Variants in DNAH14 observed in about 807,000 individuals in gnomAD.
DNAH14 encodes the protein dynein axonemal heavy chain 14.
In DNAH14, 478 loss-of-function variants were observed where a neutral mutation model predicts 520.9. That is an observed-to-expected ratio of 0.92 (90% CI 0.85 to 0.99). The LOEUF is 0.99. Among genes scored for constraint, DNAH14 ranks in the 50% least tolerant of loss-of-function variants. DNAH14 has a pLI of 0.00. For missense variants in DNAH14, 4,831 were observed against 5,234.5 expected (o/e 0.92, Z 2.38); for synonymous variants, 1,581 against 1,757.2 (o/e 0.90, Z 2.51).
chr1:225,263,872 C>A (rs1558195616), intron 46 of DNAH14, among the ~76,000 whole-genome samples: 1 of 151,964 alleles, frequency 6.6e-6, no homozygotes, highest in Non-Finnish European at 1.5e-5. Context: ...ATGAATGGGT[C>A]TTTGCTGAGT....
At chr1:225,367,112 G>A (rs991613230) in intron 76 of DNAH14, among the ~76,000 whole-genome samples, 1 of 150,824 alleles carries the variant, frequency 6.6e-6, no homozygotes, top group Non-Finnish European at 1.5e-5. Flanking sequence ...CACAACTTAT[G>A]TAAGTGTGTG....
intron 83 of DNAH14, 92 bp from the exon 84 acceptor site, chr1:225,392,199 C>T (rs2095925348): frequency 7.0e-7 from 1 of 1,420,034 alleles, no homozygotes; most frequent in African/African-American, 1.4e-5. Flanking sequence ...TCCACTCTTC[C>T]CTTTCTTCTC....
chr1:225,360,886 A>G lies in DNAH14; in HGVS notation c.11982A>G (p.Val3994=). The change falls in exon 75 of 86, where the codon GTA becomes GTG. Residue 3994 remains valine (V), a synonymous_variant. Coordinates refer to ENST00000682510, the MANE Select transcript of DNAH14 (RefSeq NM_001367479.1). The part of the protein sequence containing the change: ...TSFMPRLCTI[V]ESFNSPNVTI... ...TTATGCCAAGGCTTTGCACAATTGTAGAATCGTAAGAGTTTTACATTTATC... is the reference window on the plus strand; with the variant it reads ...TTATGCCAAGGCTTTGCACAATTGTGGAATCGTAAGAGTTTTACATTTATC... The G allele has an allele frequency of 6.4e-7, 1 of 1,551,438 alleles. No individual in the cohort carries two copies. The highest frequency in any genetic ancestry group is 1.4e-5 in the African/African-American group (1 of 73,154).
intron 41 of DNAH14, among the ~76,000 whole-genome samples, chr1:225,215,019 CT>C (rs1208088902): frequency 1.3e-5 from 2 of 151,982 alleles, no homozygotes; most frequent in African/African-American, 2.4e-5. Flanking sequence ...ATTTTAGATC[CT>C]TCCTGCTTTC....
chr1:225,191,883 ACT>A (rs765298498), intron 37 of DNAH14, among the ~76,000 whole-genome samples: 3 of 150,930 alleles, frequency 2.0e-5, no homozygotes, highest in Non-Finnish European at 3.0e-5. Context: ...AGCTCTATAA[ACT>A]CTATTTTGTT....
intron 60 of DNAH14, among the ~76,000 whole-genome samples, chr1:225,314,842 C>T (rs148727467): frequency 1.4e-3 from 218 of 152,272 alleles, no homozygotes; most frequent in African/African-American, 5.1e-3. Context: ...GTGGGTAACC[C>T]GACCTTTCTC....
intron 39 of DNAH14, 55 bp downstream of exon 39, chr1:225,204,328 C>T: frequency 2.0e-6 from 2 of 984,116 alleles, no homozygotes; most frequent in Non-Finnish European, 1.5e-6. Context: ...AACTCTCAAC[C>T]AATATGAGCT....
At chr1:225,083,424 T>A (rs2073373277) in intron 20 of DNAH14, among the ~76,000 whole-genome samples, 1 of 152,200 alleles carries the variant, frequency 6.6e-6, no homozygotes, top group Non-Finnish European at 1.5e-5. Flanking sequence ...AACTTTTGTT[T>A]GTAAAACTTA....
chr1:225,328,135 T>A (rs748922910), intron 64 of DNAH14, among the ~76,000 whole-genome samples: 2 of 152,132 alleles, frequency 1.3e-5, no homozygotes, highest in Non-Finnish European at 2.9e-5. Flanking sequence ...ACCCAAACAG[T>A]TTCTCTCTGA....
chr1:225,209,475 G>T (rs957483603), intron 41 of DNAH14, among the ~76,000 whole-genome samples: 12 of 152,042 alleles, frequency 7.9e-5, no homozygotes, highest in Admixed American at 2.0e-4. Flanking sequence ...TTAAGGCAGG[G>T]TCTGTGCACC....
chr1:225,257,532 CT>C (rs546456150), intron 44 of DNAH14, among the ~76,000 whole-genome samples: 1 of 151,180 alleles, frequency 6.6e-6, no homozygotes, highest in East Asian at 1.9e-4. Context: ...CTTTTCTTTT[CT>C]TTTTTTTCTT....
intron 43 of DNAH14, among the ~76,000 whole-genome samples, chr1:225,250,885 G>A (rs1042921398): frequency 6.6e-6 from 1 of 152,122 alleles, no homozygotes; most frequent in Non-Finnish European, 1.5e-5. Flanking sequence ...GAGTGTGAGA[G>A]CTCCATAAGG....
At chr1:225,061,448 C>A (rs2070090821) in intron 17 of DNAH14, among the ~76,000 whole-genome samples, 1 of 152,204 alleles carries the variant, frequency 6.6e-6, no homozygotes, top group Admixed American at 6.5e-5. Context: ...AATTCCCTGA[C>A]CCCTTGCGCT....
At chr1:225,257,588 T>G (rs1574338586) in intron 44 of DNAH14, among the ~76,000 whole-genome samples, 1 of 151,240 alleles carries the variant, frequency 6.6e-6, no homozygotes, top group Admixed American at 6.6e-5. Flanking sequence ...CAGGCTGGAG[T>G]GCAGTGGCGC....
Position 225,289,826 on chromosome 1 carries a change from A to G in DNAH14, c.8272-59A>G, listed in dbSNP as rs190001166. 250 of 1,160,828 alleles carry G rather than the reference A, an allele frequency of 2.2e-4. 4 individuals carry two copies. In the East Asian group the frequency reaches 7.5e-3, roughly 35 times the overall value. 71.9% of individuals were successfully genotyped at this position (1,160,828 alleles called of 1,614,324 possible). A position where few individuals can be genotyped will look rare whatever the true frequency, so the allele number is the denominator to read the frequency against. ...TAGCACAAATAATAAACAGAAAACT[A>G]TACGTTGAAAGATTCCCAGAAAATG... On this transcript the variant is annotated intron_variant, in intron 54 of 85. Transcript: ENST00000682510.
At chr1:225,354,294 G>A (rs1411308888) in intron 73 of DNAH14, 1 of 701,014 alleles carries the variant, frequency 1.4e-6, no homozygotes, top group Admixed American at 2.0e-5. Flanking sequence ...CTAATTCTAG[G>A]TTCTGTATGA....
rs1423555548 is a variant in DNAH14 at position 225,192,874 on chromosome 1, AT to A, written c.5850del (p.Leu1951SerfsTer3). ...NTPKNTKKDI[D>X]LRLKSRISDL... ...CCAAAGAACACAAAGAAAGACATTGATCTCAGACTAAAGTCAAGAATCTCAG... is the reference window on the plus strand; with the variant it reads ...CCAAAGAACACAAAGAAAGACATTGACTCAGACTAAAGTCAAGAATCTCAG... On this transcript the variant is annotated frameshift_variant, in exon 38 of 86. Coordinates refer to ENST00000682510, the MANE Select transcript of DNAH14 (RefSeq NM_001367479.1). LOFTEE classifies it high-confidence loss of function. The A allele has an allele frequency of 6.5e-7, 1 of 1,549,690 alleles. No homozygotes were observed. The highest frequency in any genetic ancestry group is 8.7e-7 in the Non-Finnish European group (1 of 1,145,884).
chr1:225,399,025 TGAC>T (rs1450713742), intron 85 of DNAH14, 26 bp from the exon 86 acceptor site: 2 of 1,464,172 alleles, frequency 1.4e-6, no homozygotes, highest in Admixed American at 4.1e-5. Flanking sequence ...CTATGCAATT[TGAC>T]TACTGGATTT....
intron 76 of DNAH14, among the ~76,000 whole-genome samples, chr1:225,365,483 G>C (rs528217470): frequency 6.9e-4 from 105 of 152,286 alleles, no homozygotes; most frequent in African/African-American, 2.4e-3. Flanking sequence ...TCACAGAAGT[G>C]GGTGGGCATG....
Sources: allele counts gnomAD v4.1 joint callset (sites outside exome capture counted in the v4.1 genomes callset), GRCh38; gene constraint gnomAD v4.1.1; transcripts MANE v1.5; gene names NCBI Gene and HGNC (gene_info 2026-07-23, HGNC 2026-07-21).